The following ITGA2 variants were observed in gnomAD, a reference collection of about 807,000 sequenced individuals.
ITGA2 encodes integrin alpha-2.
ITGA2 carries 101 observed loss-of-function variants against 146.3 expected under a neutral mutation model. The observed-to-expected ratio is 0.69, with a 90% CI of 0.59 to 0.81. The LOEUF (loss-of-function observed/expected upper bound fraction) is 0.81, where lower values mean the gene tolerates loss of function less well. ITGA2 is among the 40% of genes least tolerant of loss of function. The pLI is 0.00. For missense variants in ITGA2, 1,281 were observed against 1,402.7 expected (o/e 0.91, Z 1.39); for synonymous variants, 477 against 487.1 (o/e 0.98, Z 0.27).
chr5:52,990,568 G>GGTTT (rs1561272362), intron 1 of ITGA2, among the ~76,000 whole-genome samples: 9 of 144,006 alleles, frequency 6.2e-5, no homozygotes, highest in African/African-American at 2.3e-4. Context: ...TGTGTGTGTG[G>GGTTT]TTTTTTTTTT....
At position 53,065,913 on chromosome 5, in the gene ITGA2, GATTTAA is replaced by G; in HGVS notation, c.1882_1887del (p.Leu628_Asn629del). The G allele has an allele frequency of 6.2e-7, 1 of 1,612,246 alleles. No homozygotes were observed. The highest frequency in any genetic ancestry group is 8.5e-7 in the Non-Finnish European group (1 of 1,178,838). On this transcript the variant is annotated inframe_deletion, in exon 15 of 30. Transcript: ENST00000296585. ...TGGGAGGTCCTTGGATGGCTATGGA[GATTTAA>G]ATGGGGATTCCATCACCGATGTGTC... is the stretch of plus-strand genomic sequence containing the variant.
At chr5:53,018,522 C>T (rs1742510671) in intron 1 of ITGA2, among the ~76,000 whole-genome samples, 1 of 151,708 alleles carries the variant, frequency 6.6e-6, no homozygotes, top group Non-Finnish European at 1.5e-5. Context: ...CCGTGTCCTC[C>T]CTCATCCACT....
intron 18 of ITGA2, 72 bp from the exon 19 acceptor site, chr5:53,072,541 T>C (rs1480956862): frequency 1.0e-5 from 9 of 901,880 alleles, no homozygotes; most frequent in Non-Finnish European, 1.1e-5. Flanking sequence ...AGAATAATAT[T>C]CTATGTATTC....
At chr5:53,077,146 G>A (rs1270035116) in intron 23 of ITGA2, among the ~76,000 whole-genome samples, 1 of 151,944 alleles carries the variant, frequency 6.6e-6, no homozygotes, top group Non-Finnish European at 1.5e-5. Context: ...TTCATATGAG[G>A]ACATACAGAT....
At chr5:53,009,627 A>T (rs1319047818) in intron 1 of ITGA2, among the ~76,000 whole-genome samples, 1 of 152,146 alleles carries the variant, frequency 6.6e-6, no homozygotes, top group Admixed American at 6.5e-5. Context: ...CCACTTGATG[A>T]TCTGGCAAAT....
intron 1 of ITGA2, among the ~76,000 whole-genome samples, chr5:53,019,162 A>T (rs1666373248): frequency 6.6e-6 from 1 of 152,206 alleles, no homozygotes; most frequent in African/African-American, 2.4e-5. Context: ...AAATAATTTT[A>T]AAATAAGTTG....
intron 27 of ITGA2, among the ~76,000 whole-genome samples, chr5:53,084,442 T>C (rs993074830): frequency 2.0e-5 from 3 of 152,072 alleles, no homozygotes; most frequent in Non-Finnish European, 4.4e-5. Flanking sequence ...CTCAGCACCC[T>C]CCAAACTCAT....
chr5:53,023,366 A>C (rs187448771), intron 1 of ITGA2, among the ~76,000 whole-genome samples: 26 of 152,324 alleles, frequency 1.7e-4, no homozygotes, highest in Admixed American at 1.6e-3. Flanking sequence ...AGTGAATTCC[A>C]ACTTGTCCTC....
Position 53,062,650 on chromosome 5 carries a change from G to A in ITGA2, c.1459-136G>A, listed in dbSNP as rs530137358. On this transcript the variant is annotated intron_variant, in intron 12 of 29. Coordinates refer to ENST00000296585, the MANE Select transcript of ITGA2 (RefSeq NM_002203.4). ...CCTGAGGGAAGGAACTGTGCTCTCT[G>A]TCTTCATGTTCCAAGCACTTTGCAA... 1.3e-5 allele frequency: 11 copies of A among 872,194 alleles called. No individual in the cohort carries two copies. The South Asian group carries it at 1.4e-4, about 11-fold the overall frequency. The allele number at this position is 872,194 out of a possible 1,614,324, so 54.0% of individuals were successfully genotyped here. A position where few individuals can be genotyped will look rare whatever the true frequency, so the allele number is the denominator to read the frequency against.
chr5:53,070,123 A>G lies in ITGA2; in HGVS notation c.2098A>G (p.Ile700Val), dbSNP rs1745322727. The G allele has an allele frequency of 1.9e-6, 3 of 1,610,986 alleles. No individual in the cohort carries two copies. Among genetic ancestry groups the G allele is most frequent in the Non-Finnish European group, 2.5e-6 (3 of 1,177,834 alleles). ...TTTTATCATAGCCATTGTATATAAC[A>G]TCACACTTGATGCAGATGGATTTTC... is the stretch of plus-strand genomic sequence containing the variant. ...QNNQVAIVYN[I>V]TLDADGFSSR... is the part of the protein sequence containing the mutation. The change falls in exon 17 of 30, where the codon ATC (isoleucine) becomes GTC (valine). Residue 700 changes from isoleucine (I) to valine (V), a missense_variant. By Grantham distance (29) the Ile-to-Val change is conservative. Transcript: ENST00000296585.
intron 7 of ITGA2, among the ~76,000 whole-genome samples, chr5:53,053,332 A>G (rs992056622): frequency 6.6e-6 from 1 of 152,144 alleles, no homozygotes; most frequent in African/African-American, 2.4e-5. Context: ...TTCAGGGACA[A>G]TAAAGGTTTT....
At chr5:53,038,414 TC>T (rs1365147292) in intron 2 of ITGA2, among the ~76,000 whole-genome samples, 1 of 152,164 alleles carries the variant, frequency 6.6e-6, no homozygotes, top group Admixed American at 6.5e-5. Context: ...CATGCCTTGT[TC>T]CTACCTGCCA....
rs188301198 is a variant in ITGA2, at chr5:53,038,662, A to G, written c.186-3450A>G. 5.9e-3 allele frequency among the ~76,000 whole-genome samples: 899 copies of G among 152,302 alleles called. 5 individuals carry two copies. The highest frequency in any genetic ancestry group is 0.021 in the African/African-American group (862 of 41,556). On this transcript the variant is annotated intron_variant, in intron 2 of 29. Transcript: ENST00000296585. ...CCAGGACTTCCTGCAGCTAAGAGGA[A>G]GGACACTAGCCTAAGCGTTAAGAAC...
At chr5:53,090,372 G>T (rs1200465869) in intron 29 of ITGA2, 147 bp from the exon 30 acceptor site, 2 of 729,512 alleles carry the variant, frequency 2.7e-6, no homozygotes, top group Admixed American at 2.0e-5. Context: ...GCAGGTGGTA[G>T]ATATCAGGTC....
At chr5:52,994,172 T>G (rs1371597131) in intron 1 of ITGA2, among the ~76,000 whole-genome samples, 1 of 152,230 alleles carries the variant, frequency 6.6e-6, no homozygotes, top group Non-Finnish European at 1.5e-5. Context: ...ATCTACTTTA[T>G]GTAAGGCTGT....
At chr5:53,010,826 A>T (rs1216841694) in intron 1 of ITGA2, among the ~76,000 whole-genome samples, 1 of 152,098 alleles carries the variant, frequency 6.6e-6, no homozygotes, top group Admixed American at 6.6e-5. Context: ...GTCTTTACAG[A>T]TGTGGTGGTT....
chr5:52,994,228 A>C (rs1008552037), intron 1 of ITGA2, among the ~76,000 whole-genome samples: 2 of 152,226 alleles, frequency 1.3e-5, no homozygotes, highest in African/African-American at 4.8e-5. Context: ...AACATGGCTG[A>C]GAGAGGTTGG....
Position 53,056,083 on chromosome 5 carries a change from G to C in ITGA2, c.1030G>C (p.Val344Leu). 6.2e-7 allele frequency: 1 copy of C among 1,611,920 alleles called. No individual in the cohort carries two copies. The highest frequency in any genetic ancestry group is 8.5e-7 in the Non-Finnish European group (1 of 1,178,774). ...SIPTERYFFN[V>L]SDEAALLEKA... ...TCCAACAGAAAGATACTTTTTCAAT[G>C]TGTCTGATGAAGCAGCTCTACTAGA... Residue 344 changes from valine (V) to leucine (L), a missense_variant, in exon 9 of 30, where the codon GTG (valine) becomes CTG (leucine). Transcript: ENST00000296585.
intron 1 of ITGA2, among the ~76,000 whole-genome samples, chr5:53,018,173 C>G (rs374668233): frequency 6.6e-6 from 1 of 152,144 alleles, no homozygotes; most frequent in Non-Finnish European, 1.5e-5. Flanking sequence ...CTGCTCTGTC[C>G]GGGTCCAACA....
Sources: allele counts gnomAD v4.1 joint callset (sites outside exome capture counted in the v4.1 genomes callset), GRCh38; gene constraint gnomAD v4.1.1; transcripts MANE v1.5; gene names NCBI Gene and HGNC (gene_info 2026-07-23, HGNC 2026-07-21).